The following OSBP2 variants were observed in gnomAD, a reference collection of about 807,000 sequenced individuals.
OSBP2 encodes oxysterol-binding protein 2.
OSBP2 carries 66 observed loss-of-function variants against 96.0 expected under a neutral mutation model. That is an observed-to-expected ratio of 0.69 (90% confidence interval 0.56 to 0.84). The LOEUF is 0.84. Ranked by LOEUF, OSBP2 falls within the 40% of genes least tolerant of loss-of-function variation. The pLI, the probability that OSBP2 is intolerant of heterozygous loss-of-function variation, is 0.00. For missense variants in OSBP2, 1,038 were observed against 1,222.7 expected (o/e 0.85, Z 2.25); for synonymous variants, 525 against 520.9 (o/e 1.01, Z -0.11).
At chr22:30,753,804 A>G (rs1226865234) in intron 2 of OSBP2, among the ~76,000 whole-genome samples, 1 of 152,164 alleles carries the variant, frequency 6.6e-6, no homozygotes, top group Non-Finnish European at 1.5e-5. Flanking sequence ...GGGGAAACAA[A>G]CTTTTTCCAC....
chr22:30,895,543 T>TAGAAAA (rs780050404), intron 12 of OSBP2, among the ~76,000 whole-genome samples: 1 of 152,062 alleles, frequency 6.6e-6, no homozygotes, highest in South Asian at 2.1e-4. Flanking sequence ...GTTAGAAAAT[T>TAGAAAA]CTACTTTCTA....
chr22:30,743,506 C>T (rs954023634), intron 2 of OSBP2, among the ~76,000 whole-genome samples: 1 of 152,114 alleles, frequency 6.6e-6, no homozygotes, highest in Non-Finnish European at 1.5e-5. Context: ...CCATCTCAGA[C>T]ATGGGCTGTG....
intron 2 of OSBP2, among the ~76,000 whole-genome samples, chr22:30,861,194 A>G (rs899172887): frequency 2.0e-5 from 3 of 152,198 alleles, no homozygotes; most frequent in African/African-American, 7.2e-5. Flanking sequence ...AGCCCCACAG[A>G]GACCAGCCTA....
chr22:30,859,826 G>A (rs1267125621), intron 2 of OSBP2, among the ~76,000 whole-genome samples: 3 of 152,220 alleles, frequency 2.0e-5, no homozygotes, highest in African/African-American at 2.4e-5. Context: ...TTAATTTCCC[G>A]AGATGTCAGG....
Position 30,887,443 on chromosome 22 carries a change from G to T in OSBP2, c.1125G>T (p.Leu375Phe), listed in dbSNP as rs1340781106. ...CTCCCCAGGCCTGCAGGGACTTCTT[G>T]GAACTAGCAGAGATACACAGTCGGA... ...NAMINACRDF[L>F]ELAEIHSRKW... The change falls in exon 4 of 14, where the codon TTG becomes TTT. Residue 375 changes from leucine to phenylalanine, a missense_variant. Coordinates refer to ENST00000332585, the MANE Select transcript of OSBP2 (RefSeq NM_030758.4). 3 of 1,613,454 alleles carry T rather than the reference G, an allele frequency of 1.9e-6. No individual in the cohort carries two copies. Among genetic ancestry groups the T allele is most frequent in the Non-Finnish European group, 2.5e-6 (3 of 1,179,692 alleles).
intron 1 of OSBP2, among the ~76,000 whole-genome samples, chr22:30,730,804 ATATAAT>A (rs1387642149): frequency 1.5e-4 from 7 of 46,286 alleles, no homozygotes; most frequent in South Asian, 9.7e-4. Context: ...ATATATATAT[ATATAAT>A]TTTTTTTTTT....
chr22:30,877,071 G>A (rs1378846925), intron 3 of OSBP2, among the ~76,000 whole-genome samples: 4 of 152,010 alleles, frequency 2.6e-5, no homozygotes, highest in Admixed American at 6.6e-5. Flanking sequence ...AGGGCAGGAC[G>A]CAGTATCTCT....
intron 2 of OSBP2, among the ~76,000 whole-genome samples, chr22:30,758,200 G>A (rs1391803381): frequency 1.3e-5 from 2 of 152,104 alleles, no homozygotes; most frequent in African/African-American, 4.8e-5. Flanking sequence ...CCAGGAGTTC[G>A]AGACCGGCCT....
At chr22:30,863,516 C>T (rs1298171603) in intron 2 of OSBP2, among the ~76,000 whole-genome samples, 2 of 152,136 alleles carry the variant, frequency 1.3e-5, no homozygotes, top group Non-Finnish European at 2.9e-5. Context: ...TGCTTAAAGT[C>T]GGTAGTGCTC....
At chr22:30,865,467 G>A (rs553904154) in intron 2 of OSBP2, among the ~76,000 whole-genome samples, 52 of 151,878 alleles carry the variant, frequency 3.4e-4, no homozygotes, top group Non-Finnish European at 5.0e-4. Flanking sequence ...CCATCTCTAC[G>A]CTGAAGATAC....
At chr22:30,761,694 C>T (rs1302535948) in intron 2 of OSBP2, among the ~76,000 whole-genome samples, 1 of 152,102 alleles carries the variant, frequency 6.6e-6, no homozygotes, top group Non-Finnish European at 1.5e-5. Flanking sequence ...CATAAAGAAA[C>T]AAGACAGTGT....
upstream of OSBP2, chr22:30,694,395 T>A: frequency 6.8e-7 from 1 of 1,471,148 alleles, no homozygotes; most frequent in Admixed American, 2.7e-5. Flanking sequence ...TTAGCGCCCC[T>A]GTGCTTCGTG....
rs567316850 is a variant in OSBP2, at chr22:30,725,172, T to C, written c.645-15989T>C. Among the ~76,000 whole-genome samples the C allele has an allele frequency of 5.0e-3, 407 of 81,926 alleles. 3 individuals carry two copies. The highest frequency in any genetic ancestry group is 0.018 in the African/African-American group (391 of 22,056). 53.7% of individuals were successfully genotyped at this position (81,926 alleles called of 152,430 possible). A position where few individuals can be genotyped will look rare whatever the true frequency, so the allele number is the denominator to read the frequency against. Reference sequence around the variant, plus strand: ...GCCTGGGTGACAGAGCAAGACTCTGTCTCAAAAACAAAAAAACAAAAAAAC... The same window carrying C: ...GCCTGGGTGACAGAGCAAGACTCTGCCTCAAAAACAAAAAAACAAAAAAAC... On this transcript the variant is annotated intron_variant, in intron 1 of 13. Coordinates refer to ENST00000332585, the MANE Select transcript of OSBP2 (RefSeq NM_030758.4).
intron 2 of OSBP2, among the ~76,000 whole-genome samples, chr22:30,860,992 C>T (rs979718889): frequency 6.6e-6 from 1 of 152,194 alleles, no homozygotes; most frequent in Non-Finnish European, 1.5e-5. Context: ...AGTGAGGAGG[C>T]GCCCTAGCTT....
At chr22:30,701,657 T>C (rs1448243286) in intron 1 of OSBP2, among the ~76,000 whole-genome samples, 1 of 152,138 alleles carries the variant, frequency 6.6e-6, no homozygotes, top group Non-Finnish European at 1.5e-5. Context: ...ATGTCAATTT[T>C]GATAATACTC....
intron 2 of OSBP2, among the ~76,000 whole-genome samples, chr22:30,813,716 T>A (rs2091042330): frequency 6.6e-6 from 1 of 152,094 alleles, no homozygotes; most frequent in South Asian, 2.1e-4. Flanking sequence ...ACATTGAGAT[T>A]GACTCTTCTA....
intron 2 of OSBP2, among the ~76,000 whole-genome samples, chr22:30,803,817 T>C (rs2090889872): frequency 1.3e-5 from 2 of 151,940 alleles, no homozygotes; most frequent in Admixed American, 1.3e-4. Context: ...TGTGTGTGTG[T>C]GTATGTGTGT....
At chr22:30,809,385 A>C (rs551562293) in intron 2 of OSBP2, among the ~76,000 whole-genome samples, 8 of 152,322 alleles carry the variant, frequency 5.3e-5, no homozygotes, top group Admixed American at 1.3e-4. Context: ...GACTCTGAGA[A>C]GGGCCTTCCA....
intron 2 of OSBP2, among the ~76,000 whole-genome samples, chr22:30,849,194 A>G (rs1181069861): frequency 1.3e-5 from 2 of 152,120 alleles, no homozygotes; most frequent in East Asian, 3.8e-4. Flanking sequence ...CTTGAGCCCA[A>G]GGAGATTAAG....
Sources: allele counts gnomAD v4.1 joint callset (sites outside exome capture counted in the v4.1 genomes callset), GRCh38; gene constraint gnomAD v4.1.1; transcripts MANE v1.5; gene names NCBI Gene and HGNC (gene_info 2026-07-23, HGNC 2026-07-21).